TUSC3: variants seen among roughly 807,000 people sequenced by gnomAD.
The protein encoded by TUSC3 is tumor suppressor candidate 3.
Under a neutral mutation model 44.8 loss-of-function variants are expected in TUSC3, and 45 were observed. The observed-to-expected ratio is 1.00, with a 90% CI of 0.79 to 1.29. TUSC3 has a LOEUF of 1.29. Ranked by LOEUF, TUSC3 falls within the 50% of genes most tolerant of loss-of-function variation. The pLI, the probability that TUSC3 is intolerant of heterozygous loss-of-function variation, is 0.00. For missense variants in TUSC3, 519 were observed against 437.9 expected (o/e 1.19, Z -1.65); for synonymous variants, 212 against 152.9 (o/e 1.39, Z -2.85).
chr8:15,643,627 A>G (rs1304776454), intron 2 of TUSC3, among the ~76,000 whole-genome samples: 3 of 152,170 alleles, frequency 2.0e-5, no homozygotes, highest in African/African-American at 4.8e-5. Context: ...TAAGAAACAC[A>G]ACCTCTTTAT....
At chr8:15,651,131 T>C in intron 3 of TUSC3, 1 of 309,056 alleles carries the variant, frequency 3.2e-6, no homozygotes, top group East Asian at 8.0e-5. Context: ...TGTACAGGTT[T>C]TTGCCATTAT....
chr8:15,462,152 A>G (rs1044133055), intron 1 of TUSC3, among the ~76,000 whole-genome samples: 13 of 152,122 alleles, frequency 8.5e-5, no homozygotes, highest in Non-Finnish European at 1.6e-4. Context: ...TCCAAGCTTC[A>G]TAATAATAAC....
At chr8:15,513,942 T>C (rs537878940) in intron 2 of TUSC3, among the ~76,000 whole-genome samples, 1 of 152,238 alleles carries the variant, frequency 6.6e-6, no homozygotes, top group South Asian at 2.1e-4. Flanking sequence ...TCTCCCTTCT[T>C]CCTCTTCCCA....
At chr8:15,832,062 C>G in the TUSC3 span, among the ~76,000 whole-genome samples, 2 of 152,144 alleles carry the variant, frequency 1.3e-5, no homozygotes, top group African/African-American at 4.8e-5. Context: ...AAGTCACCTA[C>G]AAACGGAAGC....
chr8:15,839,592 A>C, the TUSC3 span, among the ~76,000 whole-genome samples: 2 of 152,232 alleles, frequency 1.3e-5, no homozygotes, highest in African/African-American at 4.8e-5. Context: ...TTCTCAAAAA[A>C]AGACATTTAT....
chr8:15,657,075 T>C (rs1207113613), intron 3 of TUSC3, among the ~76,000 whole-genome samples: 1 of 152,178 alleles, frequency 6.6e-6, no homozygotes, highest in Non-Finnish European at 1.5e-5. Context: ...CAAAGAGCTC[T>C]GAAATGCCTT....
chr8:15,723,355 T>G (rs577197366), intron 6 of TUSC3, among the ~76,000 whole-genome samples: 1 of 152,118 alleles, frequency 6.6e-6, no homozygotes, highest in Non-Finnish European at 1.5e-5. Flanking sequence ...TAATCAAGAT[T>G]TGTCACTGTT....
intron 1 of TUSC3, among the ~76,000 whole-genome samples, chr8:15,585,031 A>G (rs1421173914): frequency 1.3e-5 from 2 of 152,238 alleles, no homozygotes. Flanking sequence ...ATTTTGTGTT[A>G]GAAATACTCT....
At chr8:15,641,790 A>G (rs1020629648) in intron 2 of TUSC3, among the ~76,000 whole-genome samples, 1 of 152,240 alleles carries the variant, frequency 6.6e-6, no homozygotes, top group African/African-American at 2.4e-5. Flanking sequence ...GCCACATCAT[A>G]ATAATAGGTG....
At chr8:15,498,995 G>T (rs763076650) in intron 2 of TUSC3, among the ~76,000 whole-genome samples, 16 of 152,112 alleles carry the variant, frequency 1.1e-4, no homozygotes, top group Non-Finnish European at 1.6e-4. Flanking sequence ...AGTCCTGAGA[G>T]TAGGTAGTTA....
At chr8:15,769,042 T>C (rs549644380), downstream of TUSC3, among the ~76,000 whole-genome samples, 1 of 152,240 alleles carries the variant, frequency 6.6e-6, no homozygotes, top group East Asian at 1.9e-4. Flanking sequence ...CAACCTGCCA[T>C]TGACTTTCTT....
intron 2 of TUSC3, among the ~76,000 whole-genome samples, chr8:15,524,922 C>T (rs1256110735): frequency 2.0e-5 from 3 of 152,188 alleles, no homozygotes; most frequent in Non-Finnish European, 1.5e-5. Flanking sequence ...AAGACTAACA[C>T]AGTTAACTAA....
chr8:15,583,565 G>A (rs902880920), intron 1 of TUSC3, among the ~76,000 whole-genome samples: 1 of 152,178 alleles, frequency 6.6e-6, no homozygotes, highest in African/African-American at 2.4e-5. Flanking sequence ...AGATCCCGTG[G>A]ATGGTAAATA....
At chr8:15,725,104 C>T (rs997609928) in intron 6 of TUSC3, among the ~76,000 whole-genome samples, 2 of 151,942 alleles carry the variant, frequency 1.3e-5, no homozygotes, top group African/African-American at 4.8e-5. Flanking sequence ...TAAAAATGAT[C>T]AAAATTCCAA....
intron 2 of TUSC3, among the ~76,000 whole-genome samples, chr8:15,518,285 T>C (rs1801249419): frequency 1.3e-5 from 2 of 152,162 alleles, no homozygotes; most frequent in Non-Finnish European, 2.9e-5. Flanking sequence ...ATGCCATGTG[T>C]TTTTAATTTG....
chr8:15,668,699 G>A (rs1807791349), intron 5 of TUSC3, among the ~76,000 whole-genome samples: 1 of 151,618 alleles, frequency 6.6e-6, no homozygotes, highest in Non-Finnish European at 1.5e-5. Flanking sequence ...TAGCTTTGAG[G>A]GTGTTCTTTG....
intron 2 of TUSC3, among the ~76,000 whole-genome samples, chr8:15,495,266 G>C (rs1800866695): frequency 1.3e-5 from 2 of 152,220 alleles, no homozygotes; most frequent in South Asian, 4.2e-4. Flanking sequence ...TTTCAGTCTT[G>C]GCTGGAGTAG....
At chr8:15,790,178 CCTTT>C in the TUSC3 span, among the ~76,000 whole-genome samples, 46 of 118,176 alleles carry the variant, frequency 3.9e-4, no homozygotes, top group East Asian at 0.01. Context: ...ATTGTTAAGG[CCTTT>C]TTTTTTTTTT....
chr8:15,704,537 C>T (rs1201623270), intron 6 of TUSC3, among the ~76,000 whole-genome samples: 1 of 152,096 alleles, frequency 6.6e-6, no homozygotes, highest in Non-Finnish European at 1.5e-5. Context: ...AGCTACATAA[C>T]TTTATTGGTT....
Sources: gnomAD v4.1 joint callset for allele counts (sites outside exome capture counted in the v4.1 genomes callset) on GRCh38, gnomAD v4.1.1 for gene constraint, MANE v1.5 for transcripts, NCBI Gene and HGNC (gene_info 2026-07-23, HGNC 2026-07-21) for gene names.